The following DTNA variants were observed in gnomAD, a reference collection of about 807,000 sequenced individuals.
The protein encoded by DTNA is dystrophin-related protein 3.
A neutral mutation model predicts 100.7 loss-of-function variants in DTNA; 43 were observed. The observed-to-expected ratio is 0.43, with a 90% CI of 0.33 to 0.55. The LOEUF is 0.55. DTNA is among the 20% of genes least tolerant of loss of function. DTNA has a pLI of 0.04. For missense variants in DTNA, 798 were observed against 953.9 expected, an observed-to-expected ratio of 0.84 and a Z score of 2.15; for synonymous variants, 349 against 347.9, an observed-to-expected ratio of 1.00 and a Z score of -0.04.
intron 15 of DTNA, among the ~76,000 whole-genome samples, chr18:34,855,205 C>T (rs1339767766): frequency 6.6e-6 from 1 of 152,198 alleles, no homozygotes; most frequent in Non-Finnish European, 1.5e-5. Flanking sequence ...AAAATGAAAA[C>T]ATCAGTATAT....
chr18:34,653,425 CTA>C (rs200887807), intron 1 of DTNA, among the ~76,000 whole-genome samples: 2,459 of 151,926 alleles, frequency 0.016, 45 homozygotes, highest in African/African-American at 0.056. Context: ...CTGCTTGTCT[CTA>C]TAGTGAATAC....
intron 17 of DTNA, among the ~76,000 whole-genome samples, chr18:34,865,893 T>C (rs1468655857): frequency 6.6e-6 from 1 of 152,106 alleles, no homozygotes; most frequent in East Asian, 1.9e-4. Context: ...GAGAGGTGGA[T>C]TGTGTTGAAA....
intron 2 of DTNA, among the ~76,000 whole-genome samples, chr18:34,762,139 A>G (rs2093211395): frequency 6.6e-6 from 1 of 152,166 alleles, no homozygotes; most frequent in Non-Finnish European, 1.5e-5. Flanking sequence ...TTATTTCTTT[A>G]CTCATTTATT....
intron 15 of DTNA, among the ~76,000 whole-genome samples, chr18:34,853,700 C>T (rs369415583): frequency 6.6e-6 from 1 of 151,830 alleles, no homozygotes; most frequent in East Asian, 1.9e-4. Context: ...CACATGTGAT[C>T]CCTGTCAATG....
At chr18:34,828,983 C>A in intron 10 of DTNA, 1 of 1,591,978 alleles carries the variant, frequency 6.3e-7, no homozygotes, top group Admixed American at 1.7e-5. Context: ...CTGCATTCTG[C>A]AAATATCAAG....
intron 1 of DTNA, among the ~76,000 whole-genome samples, chr18:34,544,264 G>T (rs1390204648): frequency 6.6e-6 from 1 of 151,912 alleles, no homozygotes; most frequent in South Asian, 2.1e-4. Flanking sequence ...AATGCCTAAT[G>T]TATCACACTA....
At chr18:34,830,560 C>T (rs2095982703) in intron 11 of DTNA, among the ~76,000 whole-genome samples, 3 of 152,136 alleles carry the variant, frequency 2.0e-5, no homozygotes, top group African/African-American at 7.2e-5. Flanking sequence ...GTCGCATTCC[C>T]TGTTCTTACA....
intron 16 of DTNA, among the ~76,000 whole-genome samples, chr18:34,861,978 C>G (rs2096633632): frequency 6.6e-6 from 1 of 152,098 alleles, no homozygotes. Context: ...GTTGCTTTAA[C>G]CCTCTTCCCA....
chr18:34,828,238 G>C (rs1790528), intron 10 of DTNA, among the ~76,000 whole-genome samples: 40,933 of 152,056 alleles, frequency 0.27, 5,789 homozygotes, highest in African/African-American at 0.34. Context: ...AAGATCCATT[G>C]CCATGTGAGC....
chr18:34,688,615 G>T (rs995830457), intron 1 of DTNA, among the ~76,000 whole-genome samples: 1 of 152,064 alleles, frequency 6.6e-6, no homozygotes, highest in Non-Finnish European at 1.5e-5. Flanking sequence ...TGACAATTAT[G>T]TGTCTTGGGG....
intron 1 of DTNA, among the ~76,000 whole-genome samples, chr18:34,746,752 A>T (rs2091647533): frequency 6.6e-6 from 1 of 152,050 alleles, no homozygotes; most frequent in South Asian, 2.1e-4. Context: ...CTGAATTTGG[A>T]TCATCATCCT....
At chr18:34,870,888 C>T (rs2096758628) in intron 17 of DTNA, among the ~76,000 whole-genome samples, 1 of 152,166 alleles carries the variant, frequency 6.6e-6, no homozygotes, top group Admixed American at 6.5e-5. Context: ...CCTGAACAGT[C>T]GGAATTAATC....
At chr18:34,730,285 C>G (rs1266384013) in intron 1 of DTNA, among the ~76,000 whole-genome samples, 5 of 152,170 alleles carry the variant, frequency 3.3e-5, no homozygotes, top group Non-Finnish European at 7.3e-5. Flanking sequence ...TTATTTAGCA[C>G]AATTTATTTA....
chr18:34,788,600 G>A (rs567974410), intron 3 of DTNA, among the ~76,000 whole-genome samples: 6 of 152,208 alleles, frequency 3.9e-5, no homozygotes, highest in African/African-American at 4.8e-5. Context: ...CAAGGTAGTC[G>A]CCAATGAAAT....
chr18:34,510,995 G>T (rs563642842), intron 1 of DTNA, among the ~76,000 whole-genome samples: 72 of 152,008 alleles, frequency 4.7e-4, no homozygotes, highest in Admixed American at 3.3e-4. Context: ...ATTACTTTCA[G>T]TGAATTCATG....
At chr18:34,844,725 G>A (rs1157270963) in intron 13 of DTNA, among the ~76,000 whole-genome samples, 1 of 152,038 alleles carries the variant, frequency 6.6e-6, no homozygotes, top group Non-Finnish European at 1.5e-5. Flanking sequence ...TATATGCTTT[G>A]GATCACAGTA....
intron 1 of DTNA, among the ~76,000 whole-genome samples, chr18:34,579,011 T>C (rs1028620713): frequency 1.3e-5 from 2 of 152,176 alleles, no homozygotes; most frequent in Non-Finnish European, 2.9e-5. Context: ...AATTTTATTA[T>C]TTCTTTTTAT....
intron 3 of DTNA, among the ~76,000 whole-genome samples, chr18:34,784,185 G>A (rs912679154): frequency 2.0e-5 from 3 of 152,114 alleles, no homozygotes; most frequent in Admixed American, 2.0e-4. Flanking sequence ...TTTAGATGGG[G>A]CTCTGAATTA....
intron 1 of DTNA, among the ~76,000 whole-genome samples, chr18:34,622,704 A>G (rs150006432): frequency 1.4e-3 from 211 of 152,312 alleles, no homozygotes; most frequent in African/African-American, 4.2e-3. Flanking sequence ...TCCTTGGACA[A>G]CAACTCCAGG....
Sources: gnomAD v4.1 joint callset for allele counts (sites outside exome capture counted in the v4.1 genomes callset) on GRCh38, gnomAD v4.1.1 for gene constraint, MANE v1.5 for transcripts, NCBI Gene and HGNC (gene_info 2026-07-23, HGNC 2026-07-21) for gene names.